DOCK5: variants seen among roughly 807,000 people sequenced by gnomAD.
The protein encoded by DOCK5 is dedicator of cytokinesis protein 5.
A neutral mutation model predicts 251.8 loss-of-function variants in DOCK5; 142 were observed. The observed-to-expected ratio is 0.56, with a 90% CI of 0.49 to 0.65. The LOEUF is 0.65. Among genes scored for constraint, DOCK5 ranks in the 30% least tolerant of loss-of-function variants. The probability of loss-of-function intolerance (pLI) is 0.00; values close to 1 mark genes in which losing one functional copy is unlikely to be tolerated. For synonymous variants in DOCK5, 842 were observed against 835.5 expected, an observed-to-expected ratio of 1.01 and a Z score of -0.13; for missense variants, 2,111 against 2,312.3, an observed-to-expected ratio of 0.91 and a Z score of 1.79.
At chr8:25,225,017 C>T (rs1467078910) in intron 1 of DOCK5, among the ~76,000 whole-genome samples, 18 of 152,186 alleles carry the variant, frequency 1.2e-4, no homozygotes, top group Admixed American at 2.0e-4. Flanking sequence ...AGTATGGAAA[C>T]GCACAACAAA....
At chr8:25,185,334 C>G (rs1249749607) in intron 1 of DOCK5, among the ~76,000 whole-genome samples, 1 of 152,160 alleles carries the variant, frequency 6.6e-6, no homozygotes, top group Non-Finnish European at 1.5e-5. Context: ...AGGTGACCAG[C>G]CCGGGTCGGC....
At chr8:25,221,554 G>C (rs1313285102) in intron 1 of DOCK5, among the ~76,000 whole-genome samples, 1 of 152,092 alleles carries the variant, frequency 6.6e-6, no homozygotes, top group Non-Finnish European at 1.5e-5. Context: ...TGATCCGCCT[G>C]CCTTGGCCTC....
intron 1 of DOCK5, among the ~76,000 whole-genome samples, chr8:25,234,404 A>T (rs1283602484): frequency 6.6e-6 from 1 of 152,216 alleles, no homozygotes; most frequent in Non-Finnish European, 1.5e-5. Context: ...AGAACCTGAT[A>T]AGGAGACTTT....
intron 20 of DOCK5, 118 bp downstream of exon 20, chr8:25,332,810 C>A (rs1805713377): frequency 2.6e-6 from 2 of 758,922 alleles, no homozygotes; most frequent in East Asian, 2.9e-5. Context: ...TTACATCTCT[C>A]TGGTTATTGT....
intron 38 of DOCK5, among the ~76,000 whole-genome samples, chr8:25,378,351 A>G (rs924711634): frequency 6.6e-6 from 1 of 152,262 alleles, no homozygotes; most frequent in Admixed American, 6.5e-5. Flanking sequence ...GACCAGATAC[A>G]TGATTTAATA....
In DOCK5 at chr8:25,325,356, C is replaced by T. The variant is rs759432056; in HGVS notation, c.1720-8C>T. On this transcript the variant is annotated splice_region_variant and splice_polypyrimidine_tract_variant and intron_variant, in intron 17 of 51. Coordinates refer to ENST00000276440, the MANE Select transcript of DOCK5 (RefSeq NM_024940.8). ...ATCATTTGGTGTTCCTAACATGCTT[C>T]CTTTTAGGGTGACAACAAAAAAATG... is the stretch of plus-strand genomic sequence containing the variant. 6 of 1,611,518 alleles carry T rather than the reference C, an allele frequency of 3.7e-6. No individual in the cohort carries two copies. The highest frequency in any genetic ancestry group is 5.1e-6 in the Non-Finnish European group (6 of 1,178,920).
chr8:25,215,456 C>A (rs1444811432), intron 1 of DOCK5, among the ~76,000 whole-genome samples: 1 of 151,972 alleles, frequency 6.6e-6, no homozygotes, highest in African/African-American at 2.4e-5. Flanking sequence ...CACCCCGATC[C>A]CCAGTACCCT....
chr8:25,306,486 C>CACAAGGTCAGG (rs1341536101), intron 11 of DOCK5, among the ~76,000 whole-genome samples: 3 of 152,014 alleles, frequency 2.0e-5, no homozygotes, highest in Non-Finnish European at 4.4e-5. Flanking sequence ...GCGGGCAGAT[C>CACAAGGTCAGG]ACAAGGTCAG....
Position 25,354,037 on chromosome 8 carries a change from AAAAAAAAAAAACAAAC to A in DOCK5, c.2850+2224_2850+2239del, listed in dbSNP as rs1203203381. On this transcript the variant is annotated intron_variant, in intron 27 of 51. Transcript: ENST00000276440. ...AGTGAGACTTTGTCTTAAAAAAAAA[AAAAAAAAAAAACAAAC>A]AAAAAAAAAAACGTAGGAGAGAAAA... 2.8e-4 allele frequency among the ~76,000 whole-genome samples: 20 copies of A among 70,866 alleles called. 1 individual carries two copies. The highest frequency in any genetic ancestry group is 1.2e-3 in the Admixed American group (7 of 5,728). 46.5% of individuals were successfully genotyped at this position (70,866 alleles called of 152,430 possible).
chr8:25,335,888 C>G (rs1019025113), intron 21 of DOCK5, among the ~76,000 whole-genome samples: 2 of 152,124 alleles, frequency 1.3e-5, no homozygotes, highest in Admixed American at 1.3e-4. Context: ...AGGCATAATC[C>G]CTCATTTATG....
At chr8:25,308,689 A>G in intron 11 of DOCK5, 94 bp from the exon 12 acceptor site, 3 of 1,400,300 alleles carry the variant, frequency 2.1e-6, no homozygotes, top group Non-Finnish European at 2.9e-6. Context: ...GATATCTCCA[A>G]ATTATTCCTA....
intron 1 of DOCK5, among the ~76,000 whole-genome samples, chr8:25,190,928 C>T (rs1196457723): frequency 2.0e-5 from 3 of 151,586 alleles, no homozygotes; most frequent in Admixed American, 6.6e-5. Flanking sequence ...TGACTACAGG[C>T]GCCCGCCACT....
At chr8:25,198,103 C>T (rs1394643423) in intron 1 of DOCK5, among the ~76,000 whole-genome samples, 1 of 152,160 alleles carries the variant, frequency 6.6e-6, no homozygotes, top group African/African-American at 2.4e-5. Flanking sequence ...GACTAATTCC[C>T]TCTTGAAAAT....
intron 3 of DOCK5, 77 bp from the exon 4 acceptor site, chr8:25,275,309 T>A (rs1441578976): frequency 8.1e-7 from 1 of 1,238,306 alleles, no homozygotes; most frequent in African/African-American, 1.5e-5. Context: ...TTATTCTCTT[T>A]ACTTTGGGCT....
At chr8:25,189,032 T>C in intron 1 of DOCK5, among the ~76,000 whole-genome samples, 1 of 111,758 alleles carries the variant, frequency 8.9e-6, no homozygotes, top group South Asian at 2.6e-4. Context: ...TTCTTTTCTT[T>C]TCTTTCTTTC....
chr8:25,269,559 C>T (rs768409297), intron 3 of DOCK5, among the ~76,000 whole-genome samples: 51 of 152,138 alleles, frequency 3.4e-4, no homozygotes, highest in African/African-American at 9.2e-4. Context: ...AACAAAGGCA[C>T]AGTTTGAAAA....
At chr8:25,215,562 G>T (rs1225697693) in intron 1 of DOCK5, among the ~76,000 whole-genome samples, 1 of 152,072 alleles carries the variant, frequency 6.6e-6, no homozygotes, top group Non-Finnish European at 1.5e-5. Flanking sequence ...ACTCTCGGGA[G>T]GGCACAGATA....
chr8:25,217,108 A>C (rs551804223), intron 1 of DOCK5, among the ~76,000 whole-genome samples: 1 of 149,034 alleles, frequency 6.7e-6, no homozygotes, highest in Non-Finnish European at 1.5e-5. Context: ...ACACATATAT[A>C]CGTATATATG....
intron 48 of DOCK5, among the ~76,000 whole-genome samples, chr8:25,407,687 C>T (rs574882981): frequency 5.7e-4 from 87 of 151,940 alleles, no homozygotes; most frequent in African/African-American, 2.1e-3. Context: ...GCCTGGGCAA[C>T]AGTTTGAGAC....
Sources: gnomAD v4.1 joint callset for allele counts (sites outside exome capture counted in the v4.1 genomes callset) on GRCh38, gnomAD v4.1.1 for gene constraint, MANE v1.5 for transcripts, NCBI Gene and HGNC (gene_info 2026-07-23, HGNC 2026-07-21) for gene names.